Variants in ARMH4 observed in about 807,000 individuals in gnomAD.
ARMH4 encodes armadillo like helical domain containing 4, also known as armadillo-like helical domain-containing protein 4.
ARMH4 carries 49 observed loss-of-function variants against 61.9 expected under a neutral mutation model. That is an observed-to-expected ratio of 0.79 (90% confidence interval 0.63 to 1.00). The LOEUF (loss-of-function observed/expected upper bound fraction) is 1.00. ARMH4 is among the 50% of genes least tolerant of loss of function. ARMH4 has a pLI of 0.00. For synonymous variants in ARMH4, 368 were observed against 341.5 expected (o/e 1.08, Z -0.85); for missense variants, 934 against 930.0 (o/e 1.00, Z -0.06).
intron 4 of ARMH4, among the ~76,000 whole-genome samples, chr14:58,112,923 T>G (rs1321312911): frequency 6.6e-6 from 1 of 152,204 alleles, no homozygotes; most frequent in African/African-American, 2.4e-5. Flanking sequence ...TTTCTCTCTT[T>G]GTCTTCATTG....
chr14:58,026,156 G>A (rs557180225), intron 5 of ARMH4, among the ~76,000 whole-genome samples: 1 of 152,106 alleles, frequency 6.6e-6, no homozygotes, highest in African/African-American at 2.4e-5. Context: ...GTGATGAGAA[G>A]GCTGTCATGA....
intron 5 of ARMH4, among the ~76,000 whole-genome samples, chr14:58,063,799 G>A (rs1884612818): frequency 6.6e-6 from 1 of 152,140 alleles, no homozygotes; most frequent in African/African-American, 2.4e-5. Context: ...CAATCACACA[G>A]ACTGACAGAG....
At chr14:58,102,894 GA>G (rs1371626276) in intron 4 of ARMH4, among the ~76,000 whole-genome samples, 4 of 151,768 alleles carry the variant, frequency 2.6e-5, no homozygotes, top group African/African-American at 9.7e-5. Flanking sequence ...AGCACTTTGG[GA>G]GGCCAAGGCA....
In ARMH4 at chr14:58,138,303, A is replaced by C. The variant is rs781115260; in HGVS notation, c.1056T>G (p.Gly352=). The C allele has an allele frequency of 6.2e-7, 1 of 1,613,852 alleles. No homozygotes were observed. Among genetic ancestry groups the C allele is most frequent in the East Asian group, 2.2e-5 (1 of 44,862 alleles). Residue 352 remains glycine, a synonymous_variant, in exon 2 of 8, where the codon GGT becomes GGG. Transcript: ENST00000267485. The stretch of plus-strand genomic sequence containing the variant: ...CTGTCCAAGGCTGGCCTCCTTCCAT[A>C]CCCTCATGGCTTACTTGTGCTGTCT... ...MSQTAQVSHE[G]MEGGQPWTEA... is the part of the protein sequence containing the mutation.
intron 6 of ARMH4, among the ~76,000 whole-genome samples, chr14:58,005,439 C>T (rs1882131616): frequency 6.6e-6 from 1 of 152,164 alleles, no homozygotes; most frequent in South Asian, 2.1e-4. Context: ...CACCTCCAGC[C>T]ACTAGCTTAT....
intron 5 of ARMH4, among the ~76,000 whole-genome samples, chr14:58,082,029 A>G (rs1885245238): frequency 6.6e-6 from 1 of 152,180 alleles, no homozygotes; most frequent in African/African-American, 2.4e-5. Flanking sequence ...TGAAAAGTGA[A>G]AAACTCTCAT....
chr14:58,007,469 C>A (rs971665812), intron 6 of ARMH4, among the ~76,000 whole-genome samples: 1 of 152,168 alleles, frequency 6.6e-6, no homozygotes, highest in African/African-American at 2.4e-5. Flanking sequence ...GTAGATTTCA[C>A]AAAAACTCAG....
Position 58,108,308 on chromosome 14 carries a change from T to G in ARMH4, c.1832-11327A>C, listed in dbSNP as rs572602560. 3.7e-4 allele frequency among the ~76,000 whole-genome samples: 56 copies of G among 152,360 alleles called. 1 individual carries two copies. In the South Asian group the frequency reaches 0.011, roughly 31 times the overall value. ...GCCAAGTGCTTTTACATTTTTATCA[T>G]GTAATAGGAGATATATATTAGACTA... On this transcript the variant is annotated intron_variant, in intron 4 of 7. Transcript: ENST00000267485.
chr14:58,135,093 T>TCTCATC (rs1275677945), intron 2 of ARMH4, among the ~76,000 whole-genome samples: 3 of 152,244 alleles, frequency 2.0e-5, no homozygotes, highest in Non-Finnish European at 4.4e-5. Context: ...CAGTTCCTTT[T>TCTCATC]CTTGGTACTC....
At chr14:58,034,553 A>G (rs1038989678) in intron 5 of ARMH4, among the ~76,000 whole-genome samples, 1 of 108,494 alleles carries the variant, frequency 9.2e-6, no homozygotes, top group African/African-American at 3.5e-5. Flanking sequence ...ACACATAACA[A>G]TATTAACTTT....
rs931299323 is a variant in ARMH4, at chr14:58,002,581, T to A, written c.*2155A>T. ...CCCAAGGCAATAATGGCCACTAGTA[T>A]CACCCATGTGCTACTCAGTTAAGTG... On this transcript the variant is annotated 3_prime_UTR_variant, in exon 8 of 8. Coordinates refer to ENST00000267485, the MANE Select transcript of ARMH4 (RefSeq NM_001001872.4). 2 of 152,246 alleles carry A rather than the reference T, an allele frequency of 1.3e-5. No individual in the cohort carries two copies. Among genetic ancestry groups the A allele is most frequent in the East Asian group, 3.8e-4 (2 of 5,204 alleles). The allele number at this position is 152,246 out of a possible 1,614,324, so 9.4% of individuals were successfully genotyped here.
intron 5 of ARMH4, among the ~76,000 whole-genome samples, chr14:58,043,211 T>C (rs906816373): frequency 1.1e-4 from 17 of 152,120 alleles, no homozygotes; most frequent in African/African-American, 1.9e-4. Context: ...CTCAATAAAA[T>C]ACTGGTAAAC....
chr14:58,151,227 AGAAC>A (rs1486242337), intron 1 of ARMH4, among the ~76,000 whole-genome samples: 2 of 152,160 alleles, frequency 1.3e-5, no homozygotes, highest in African/African-American at 4.8e-5. Flanking sequence ...CTCATCTTTG[AGAAC>A]CCAAACTCTT....
At chr14:58,022,020 A>T (rs1882852896) in intron 5 of ARMH4, among the ~76,000 whole-genome samples, 1 of 152,162 alleles carries the variant, frequency 6.6e-6, no homozygotes, top group Non-Finnish European at 1.5e-5. Context: ...AGCAACACAC[A>T]TTTGTTATCT....
intron 5 of ARMH4, among the ~76,000 whole-genome samples, chr14:58,025,986 A>G (rs1365806854): frequency 6.6e-6 from 1 of 152,096 alleles, no homozygotes; most frequent in Non-Finnish European, 1.5e-5. Flanking sequence ...TTCAAGTAAT[A>G]TTAAGAATGT....
rs201095545 is a variant in ARMH4, at chr14:58,041,103, C to T, written c.2090-28953G>A. On this transcript the variant is annotated intron_variant, in intron 5 of 7. Transcript: ENST00000267485. ...CTGGGTTCATCTCCATGGGGAGTGT[C>T]GGAAAGTGGCTGCAGGACAGTGGGT... 2.6e-5 allele frequency among the ~76,000 whole-genome samples: 4 copies of T among 152,070 alleles called. No individual in the cohort carries two copies. The East Asian group carries it at 5.8e-4, about 22-fold the overall frequency.
Position 58,002,536 on chromosome 14 carries a change from T to G in ARMH4, c.*2200A>C, listed in dbSNP as rs758239624. The stretch of plus-strand genomic sequence containing the variant: ...TTCAACCTATTAGCCATGGTTTAGT[T>G]AAGACTATAGATTGAGTAGCCCAAG... On this transcript the variant is annotated 3_prime_UTR_variant, in exon 8 of 8. Transcript: ENST00000267485. The G allele has an allele frequency of 3.3e-5, 5 of 152,202 alleles. No individual in the cohort carries two copies. Among genetic ancestry groups the G allele is most frequent in the Non-Finnish European group, 7.3e-5 (5 of 68,034 alleles). 9.4% of individuals were successfully genotyped at this position (152,202 alleles called of 1,614,324 possible).
chr14:58,032,700 G>T (rs889748353), intron 5 of ARMH4, among the ~76,000 whole-genome samples: 1 of 148,526 alleles, frequency 6.7e-6, no homozygotes, highest in East Asian at 2.0e-4. Context: ...TGCGCGCACC[G>T]TGCGCGAGCC....
chr14:58,007,811 C>T (rs1882235310), intron 6 of ARMH4, among the ~76,000 whole-genome samples: 1 of 152,090 alleles, frequency 6.6e-6, no homozygotes, highest in Admixed American at 6.6e-5. Context: ...ACAATTGCAC[C>T]AATGTATTAT....
Sources: allele counts gnomAD v4.1 joint callset (sites outside exome capture counted in the v4.1 genomes callset), GRCh38; gene constraint gnomAD v4.1.1; transcripts MANE v1.5; gene names NCBI Gene and HGNC (gene_info 2026-07-23, HGNC 2026-07-21).